Variants in FAM169A observed in about 807,000 individuals in gnomAD.
FAM169A encodes the protein soluble lamin-associated protein of 75 kDa.
FAM169A carries 24 observed loss-of-function variants against 75.7 expected under a neutral mutation model. The observed-to-expected ratio is 0.32, with a 90% confidence interval of 0.23 to 0.45. FAM169A has a LOEUF of 0.45. Among genes scored for constraint, FAM169A ranks in the 20% least tolerant of loss-of-function variants. FAM169A has a pLI of 1.00. For synonymous variants in FAM169A, 271 were observed against 271.0 expected (o/e 1.00, Z 0.00); for missense variants, 673 against 784.0 (o/e 0.86, Z 1.69).
At chr5:74,864,214 T>G (rs1750188606) in intron 1 of FAM169A, among the ~76,000 whole-genome samples, 1 of 152,236 alleles carries the variant, frequency 6.6e-6, no homozygotes, top group African/African-American at 2.4e-5. Context: ...TTTTGTTTTC[T>G]CCAAATCAAA....
chr5:74,805,250 G>T lies in FAM169A; in HGVS notation c.705C>A (p.Asp235Glu), dbSNP rs754397593. The change falls in exon 7 of 13, where the codon GAC (aspartate) becomes GAA (glutamate). Residue 235 changes from aspartate to glutamate, a missense_variant. Asp to Glu is a conservative substitution (Grantham distance 45). Around this residue, in one of 3 missense-constraint regions of FAM169A, gnomAD observed 510 missense variants for 550.9 expected, o/e 0.93. Coordinates refer to ENST00000687041, the MANE Select transcript of FAM169A (RefSeq NM_001376049.1). ...CTTCAACTTCCCAAAGGAGTTCATG[G>T]TCTCCTGGATACTTCTCAAAGTATT... ...CKQYFEKYPG[D>E]HELLWEVEGV... The T allele has an allele frequency of 6.2e-7, 1 of 1,613,626 alleles. No homozygotes were observed. Among genetic ancestry groups the T allele is most frequent in the Admixed American group, 1.7e-5 (1 of 59,992 alleles).
chr5:74,857,571 G>GAAA lies in FAM169A; in HGVS notation c.-4+8593_-4+8594insTTT, dbSNP rs1561328873. 2.1e-3 allele frequency among the ~76,000 whole-genome samples: 137 copies of GAAA among 65,722 alleles called. 10 individuals are homozygous for GAAA. Among genetic ancestry groups the GAAA allele is most frequent in the African/African-American group, 5.5e-3 (87 of 15,904 alleles). The allele number at this position is 65,722 out of a possible 152,430, so 43.1% of individuals were successfully genotyped here. On this transcript the variant is annotated intron_variant, in intron 1 of 12. Coordinates refer to ENST00000687041, the MANE Select transcript of FAM169A (RefSeq NM_001376049.1). The stretch of plus-strand genomic sequence containing the variant: ...GGTGACAGAGCCAGACCTTGCCGCG[G>GAAA]GAAAAAAAAAAAAAAAAAAAAAAAA...
chr5:74,824,517 G>A (rs1267734451), intron 5 of FAM169A, among the ~76,000 whole-genome samples: 1 of 152,074 alleles, frequency 6.6e-6, no homozygotes, highest in Non-Finnish European at 1.5e-5. Flanking sequence ...TCCAGGCTGA[G>A]AAGGATTTAT....
intron 5 of FAM169A, among the ~76,000 whole-genome samples, chr5:74,831,690 G>A (rs907052354): frequency 6.6e-6 from 1 of 152,150 alleles, no homozygotes; most frequent in Non-Finnish European, 1.5e-5. Flanking sequence ...TTTCAGATTA[G>A]AGATATTCAA....
At chr5:74,803,060 TTAAAG>T (rs1208503821) in intron 8 of FAM169A, among the ~76,000 whole-genome samples, 16 of 152,054 alleles carry the variant, frequency 1.1e-4, no homozygotes, top group African/African-American at 3.9e-4. Context: ...ATTTAAAACA[TTAAAG>T]TAATATGAAG....
chr5:74,861,067 G>T (rs564155699), intron 1 of FAM169A, among the ~76,000 whole-genome samples: 13 of 152,276 alleles, frequency 8.5e-5, no homozygotes, highest in Admixed American at 2.0e-4. Context: ...AACCCAAGAG[G>T]CTGACCTTGC....
chr5:74,838,189 A>G (rs569052015), intron 4 of FAM169A, among the ~76,000 whole-genome samples: 1 of 151,854 alleles, frequency 6.6e-6, no homozygotes, highest in Admixed American at 6.6e-5. Flanking sequence ...AAGACACTCT[A>G]TACTTAATTA....
rs974983065 is a variant in FAM169A, at chr5:74,814,675, T to A, written c.491-656A>T. Among the ~76,000 whole-genome samples the A allele has an allele frequency of 3.9e-5, 6 of 152,234 alleles. No individual in the cohort carries two copies. In the East Asian group the frequency reaches 5.8e-4, roughly 15 times the overall value. Reference sequence around the variant, plus strand: ...GTTTAAAGTTAAACAGGACAAAAAATTTGTAGTTTCTATATATCTCTCTCC... The same window carrying A: ...GTTTAAAGTTAAACAGGACAAAAAAATTGTAGTTTCTATATATCTCTCTCC... On this transcript the variant is annotated intron_variant, in intron 5 of 12. Transcript: ENST00000687041.
intron 5 of FAM169A, among the ~76,000 whole-genome samples, chr5:74,819,958 T>C (rs916335336): frequency 2.0e-5 from 3 of 151,910 alleles, no homozygotes; most frequent in Non-Finnish European, 1.5e-5. Context: ...GGTTTCATAA[T>C]TCTGTGAATG....
chr5:74,847,757 C>G (rs533422183), intron 1 of FAM169A, among the ~76,000 whole-genome samples: 1 of 152,156 alleles, frequency 6.6e-6, no homozygotes, highest in African/African-American at 2.4e-5. Context: ...AGTGTGAAAA[C>G]AGAAATTAGT....
At chr5:74,849,407 T>C (rs944268151) in intron 1 of FAM169A, among the ~76,000 whole-genome samples, 2 of 152,152 alleles carry the variant, frequency 1.3e-5, no homozygotes, top group African/African-American at 4.8e-5. Context: ...TATTTCATGA[T>C]TCTTACAGGT....
chr5:74,839,264 T>C (rs1337531284), intron 3 of FAM169A, among the ~76,000 whole-genome samples: 2 of 152,144 alleles, frequency 1.3e-5, no homozygotes, highest in Non-Finnish European at 2.9e-5. Flanking sequence ...AATCTCATCT[T>C]GAACTGTAAT....
At chr5:74,806,559 T>A (rs1465700351) in intron 6 of FAM169A, among the ~76,000 whole-genome samples, 2 of 152,146 alleles carry the variant, frequency 1.3e-5, no homozygotes, top group African/African-American at 4.8e-5. Context: ...ACCTAGTATA[T>A]CAGGACTGTG....
chr5:74,858,707 A>G (rs1749880391), intron 1 of FAM169A, among the ~76,000 whole-genome samples: 1 of 152,160 alleles, frequency 6.6e-6, no homozygotes, highest in African/African-American at 2.4e-5. Context: ...CATTTAACAA[A>G]TCTGCACATG....
intron 8 of FAM169A, among the ~76,000 whole-genome samples, chr5:74,802,529 G>A (rs1746643510): frequency 6.6e-6 from 1 of 151,962 alleles, no homozygotes; most frequent in Non-Finnish European, 1.5e-5. Context: ...GCTATCGTCT[G>A]GAATGCCCTA....
At chr5:74,840,209 C>T (rs757962124) in intron 2 of FAM169A, 36 bp from the exon 3 acceptor site, 14 of 955,002 alleles carry the variant, frequency 1.5e-5, no homozygotes, top group East Asian at 5.2e-5. Context: ...AGTGAACAGT[C>T]TGTTAAGAAA....
At chr5:74,799,263 G>A in intron 10 of FAM169A, 1 of 1,527,468 alleles carries the variant, frequency 6.5e-7, no homozygotes, top group South Asian at 1.1e-5. Flanking sequence ...AGCCAACACT[G>A]ATGATCCTGA....
intron 11 of FAM169A, among the ~76,000 whole-genome samples, chr5:74,785,381 C>G (rs1745646274): frequency 6.6e-6 from 1 of 152,176 alleles, no homozygotes; most frequent in Non-Finnish European, 1.5e-5. Flanking sequence ...GCATACAAAT[C>G]CTGTTTTTAA....
intron 5 of FAM169A, among the ~76,000 whole-genome samples, chr5:74,827,664 C>T (rs1216847384): frequency 6.7e-6 from 1 of 150,132 alleles, no homozygotes; most frequent in Non-Finnish European, 1.5e-5. Context: ...ATAGATGGAG[C>T]TTATCTTTTT....
Sources: allele counts gnomAD v4.1 joint callset (sites outside exome capture counted in the v4.1 genomes callset), GRCh38; gene constraint gnomAD v4.1.1; regional missense constraint gnomAD v4.1.1; transcripts MANE v1.5; gene names NCBI Gene and HGNC (gene_info 2026-07-23, HGNC 2026-07-21).